Variants in CSTPP1 observed in about 807,000 individuals in gnomAD.
CSTPP1 encodes UPF0705 protein C11orf49.
At chr11:47,015,305 A>G in the CSTPP1 span, among the ~76,000 whole-genome samples, 1 of 141,382 alleles carries the variant, frequency 7.1e-6, no homozygotes, top group Admixed American at 7.1e-5. Context: ...CGTCTCTACT[A>G]AAAAAAAAAA....
At chr11:47,123,236 G>A in the CSTPP1 span, 4 of 152,268 alleles carry the variant, frequency 2.6e-5, no homozygotes, top group East Asian at 1.9e-4. Flanking sequence ...AGAAGCATAC[G>A]TGTTATTCGG....
At chr11:47,107,206 G>A in the CSTPP1 span, among the ~76,000 whole-genome samples, 16 of 152,320 alleles carry the variant, frequency 1.1e-4, no homozygotes, top group East Asian at 2.5e-3. Context: ...TTAATAGGCT[G>A]TTTATTCTTC....
the CSTPP1 span, among the ~76,000 whole-genome samples, chr11:47,094,036 C>G: frequency 6.6e-6 from 1 of 151,848 alleles, no homozygotes; most frequent in African/African-American, 2.4e-5. Flanking sequence ...CTGTGTGGTC[C>G]CAGAAAACAG....
chr11:47,163,153 C>CT, the CSTPP1 span, among the ~76,000 whole-genome samples: 1 of 143,546 alleles, frequency 7.0e-6, no homozygotes, highest in Admixed American at 7.3e-5. Context: ...GTCTGAGTGA[C>CT]TGACAGAATG....
the CSTPP1 span, chr11:46,987,343 AC>A: frequency 6.3e-7 from 1 of 1,578,002 alleles, no homozygotes; most frequent in Non-Finnish European, 8.7e-7. Flanking sequence ...AATACAGTGA[AC>A]CCAGAGGAGG....
the CSTPP1 span, among the ~76,000 whole-genome samples, chr11:47,077,827 G>T: frequency 5.3e-5 from 8 of 152,098 alleles, no homozygotes; most frequent in Admixed American, 5.2e-4. Flanking sequence ...TAAAAAAATT[G>T]TCCAACCTTC....
At chr11:47,070,140 C>T in the CSTPP1 span, among the ~76,000 whole-genome samples, 1 of 152,088 alleles carries the variant, frequency 6.6e-6, no homozygotes, top group Admixed American at 6.6e-5. Flanking sequence ...CACTTGAGCC[C>T]AGGAGCCCAG....
the CSTPP1 span, among the ~76,000 whole-genome samples, chr11:46,954,802 CT>C: frequency 2.1e-3 from 296 of 137,818 alleles, no homozygotes; most frequent in Non-Finnish European, 2.4e-3. Context: ...CATTTTCTTT[CT>C]TTTTTTTTTT....
At chr11:47,091,625 G>A in the CSTPP1 span, among the ~76,000 whole-genome samples, 1 of 152,134 alleles carries the variant, frequency 6.6e-6, no homozygotes, top group South Asian at 2.1e-4. Context: ...CCTGTGGGAG[G>A]CTGAATAATG....
chr11:47,024,946 A>C, the CSTPP1 span, among the ~76,000 whole-genome samples: 2 of 152,222 alleles, frequency 1.3e-5, no homozygotes, highest in Admixed American at 1.3e-4. Flanking sequence ...TAATGAGTTA[A>C]CAGAACATTT....
chr11:46,996,905 A>G, the CSTPP1 span, among the ~76,000 whole-genome samples: 1 of 152,138 alleles, frequency 6.6e-6, no homozygotes, highest in African/African-American at 2.4e-5. Flanking sequence ...TGGCTTGTAG[A>G]GTTTCTGCCA....
chr11:47,108,159 C>T, the CSTPP1 span, among the ~76,000 whole-genome samples: 1 of 152,228 alleles, frequency 6.6e-6, no homozygotes, highest in African/African-American at 2.4e-5. Flanking sequence ...GGATCTGGCA[C>T]AACCCTTAAT....
At chr11:46,954,853 C>T in the CSTPP1 span, among the ~76,000 whole-genome samples, 1 of 142,748 alleles carries the variant, frequency 7.0e-6, no homozygotes, top group African/African-American at 2.6e-5. Context: ...ATTGTATTTT[C>T]CCAGGGAAAG....
chr11:47,072,720 A>G, the CSTPP1 span, among the ~76,000 whole-genome samples: 1 of 152,108 alleles, frequency 6.6e-6, no homozygotes, highest in South Asian at 2.1e-4. Flanking sequence ...AAATGAACTT[A>G]TAATTACAAT....
At chr11:46,942,133 T>C in the CSTPP1 span, among the ~76,000 whole-genome samples, 2 of 152,196 alleles carry the variant, frequency 1.3e-5, no homozygotes, top group Non-Finnish European at 2.9e-5. Flanking sequence ...CACTAAAGAA[T>C]AGCTTAGTGA....
the CSTPP1 span, among the ~76,000 whole-genome samples, chr11:46,957,315 A>G: frequency 2.0e-5 from 3 of 152,178 alleles, no homozygotes; most frequent in Non-Finnish European, 2.9e-5. Context: ...CCTAAAGCCT[A>G]TGTCTTCCTT....
At chr11:47,093,550 T>C in the CSTPP1 span, among the ~76,000 whole-genome samples, 3 of 152,114 alleles carry the variant, frequency 2.0e-5, no homozygotes, top group Non-Finnish European at 4.4e-5. Flanking sequence ...TAAGTAAGTT[T>C]TTTGAGGGTA....
the CSTPP1 span, chr11:47,161,018 C>T: frequency 7.0e-7 from 1 of 1,433,190 alleles, no homozygotes; most frequent in African/African-American, 1.4e-5. Context: ...TAGATCGGCC[C>T]TCGCAGGGTC....
the CSTPP1 span, chr11:47,052,305 T>G: frequency 1.3e-6 from 2 of 1,497,248 alleles, no homozygotes; most frequent in Non-Finnish European, 1.8e-6. Flanking sequence ...TTGGCAGTGG[T>G]TCTCTCTGGT....
Sources: allele counts gnomAD v4.1 joint callset (sites outside exome capture counted in the v4.1 genomes callset), GRCh38; gene constraint gnomAD v4.1.1; transcripts MANE v1.5; gene names NCBI Gene and HGNC (gene_info 2026-07-23, HGNC 2026-07-21).